CWH43: variants seen among roughly 807,000 people sequenced by gnomAD.
CWH43 encodes cell wall biogenesis 43 C-terminal homolog, also known as PGAP2-interacting protein.
CWH43 carries 91 observed loss-of-function variants against 85.7 expected under a neutral mutation model. That is an observed-to-expected ratio of 1.06 (90% CI 0.90 to 1.26). CWH43 has a LOEUF of 1.26. Among genes scored for constraint, CWH43 ranks in the 50% most tolerant of loss-of-function variants. The pLI is 0.00. For synonymous variants in CWH43, 323 were observed against 293.6 expected, an observed-to-expected ratio of 1.10 and a Z score of -1.02; for missense variants, 869 against 839.2, an observed-to-expected ratio of 1.04 and a Z score of -0.44.
intron 11 of CWH43, among the ~76,000 whole-genome samples, chr4:49,032,006 G>A (rs1226486773): frequency 2.6e-5 from 4 of 152,190 alleles, no homozygotes; most frequent in Non-Finnish European, 5.9e-5. Context: ...GGCTGGAGAT[G>A]TACCTTCAGC....
At chr4:49,046,353 G>A (rs1206747432) in intron 14 of CWH43, among the ~76,000 whole-genome samples, 2 of 151,692 alleles carry the variant, frequency 1.3e-5, no homozygotes, top group Non-Finnish European at 2.9e-5. Context: ...TCCAATAAGT[G>A]TTTACTAAAT....
chr4:48,989,498 T>C (rs953706835), intron 2 of CWH43, among the ~76,000 whole-genome samples: 10 of 152,250 alleles, frequency 6.6e-5, no homozygotes, highest in Admixed American at 2.0e-4. Context: ...CTCACAGTCA[T>C]GCGTTGCTTA....
At chr4:49,032,799 T>G in intron 12 of CWH43, 84 bp downstream of exon 12, 1 of 1,499,202 alleles carries the variant, frequency 6.7e-7, no homozygotes, top group Non-Finnish European at 9.2e-7. Context: ...GAAATCACCT[T>G]TCTCATTTTC....
chr4:48,988,416 C>G, intron 1 of CWH43, 61 bp from the exon 2 acceptor site: 1 of 1,342,644 alleles, frequency 7.4e-7, no homozygotes, highest in Non-Finnish European at 1.0e-6. Flanking sequence ...AGGGACAGGA[C>G]TGTCGTTAGA....
intron 9 of CWH43, among the ~76,000 whole-genome samples, chr4:49,026,056 G>C: frequency 6.6e-6 from 1 of 152,166 alleles, no homozygotes; most frequent in East Asian, 1.9e-4. Flanking sequence ...GTGGATCCTA[G>C]GCCAATGGAG....
At chr4:49,045,074 A>G (rs754821481) in intron 14 of CWH43, among the ~76,000 whole-genome samples, 1 of 152,196 alleles carries the variant, frequency 6.6e-6, no homozygotes, top group Non-Finnish European at 1.5e-5. Flanking sequence ...AAGTTTAATT[A>G]TATAAGAGGG....
At chr4:49,004,195 CG>C (rs1783082225) in intron 7 of CWH43, among the ~76,000 whole-genome samples, 1 of 152,102 alleles carries the variant, frequency 6.6e-6, no homozygotes, top group Non-Finnish European at 1.5e-5. Context: ...AATTTACCAG[CG>C]CATTTCTGTA....
At chr4:49,055,366 G>A (rs1472030205) in intron 15 of CWH43, among the ~76,000 whole-genome samples, 1 of 152,092 alleles carries the variant, frequency 6.6e-6, no homozygotes, top group Non-Finnish European at 1.5e-5. Context: ...CCCTTGATCA[G>A]GGTGTATGAT....
At chr4:48,989,501 G>A (rs986343176) in intron 2 of CWH43, among the ~76,000 whole-genome samples, 4 of 152,198 alleles carry the variant, frequency 2.6e-5, no homozygotes, top group East Asian at 3.8e-4. Context: ...ACAGTCATGC[G>A]TTGCTTAGTG....
At position 48,994,650 on chromosome 4, in the gene CWH43, G is replaced by A. The variant is rs765699849; in HGVS notation, c.543G>A (p.Lys181=). 9.3e-6 allele frequency: 15 copies of A among 1,613,650 alleles called. No individual in the cohort carries two copies. In the South Asian group the frequency reaches 1.5e-4, roughly 17 times the overall value. Residue 181 remains lysine (K), a synonymous_variant, in exon 5 of 16, where the codon AAG becomes AAA. Coordinates refer to ENST00000226432, the MANE Select transcript of CWH43 (RefSeq NM_025087.3). The stretch of plus-strand genomic sequence containing the variant: ...ACTGCAGTAAACCTGAAGAAAAGAA[G>A]ACTGGTGAGGTAGCCACGGGGATGG... The part of the protein sequence containing the change: ...DGDCSKPEEK[K]TGEVATGMAS...
chr4:49,002,169 T>C (rs955987086), intron 6 of CWH43, among the ~76,000 whole-genome samples: 1 of 152,066 alleles, frequency 6.6e-6, no homozygotes, highest in Admixed American at 6.6e-5. Flanking sequence ...CTTATGCCCC[T>C]TGACATAAGA....
intron 15 of CWH43, among the ~76,000 whole-genome samples, chr4:49,054,181 G>A (rs554461207): frequency 5.3e-5 from 8 of 152,180 alleles, no homozygotes; most frequent in East Asian, 3.9e-4. Flanking sequence ...GTTGATTTTT[G>A]TATATGGTAT....
intron 5 of CWH43, among the ~76,000 whole-genome samples, chr4:48,997,203 A>G (rs1380774566): frequency 1.3e-5 from 2 of 150,574 alleles, no homozygotes; most frequent in Non-Finnish European, 3.0e-5. Context: ...GGCACCTGAC[A>G]CTACACCTGG....
chr4:49,015,658 T>C (rs1374598672), intron 8 of CWH43, among the ~76,000 whole-genome samples: 1 of 152,182 alleles, frequency 6.6e-6, no homozygotes, highest in Non-Finnish European at 1.5e-5. Flanking sequence ...TCTTTCTTTT[T>C]GACTCCAATT....
chr4:49,004,548 C>A lies in CWH43; in HGVS notation c.1060+556C>A, dbSNP rs138218939. Among the ~76,000 whole-genome samples the A allele has an allele frequency of 1.9e-3, 294 of 152,212 alleles. 1 individual carries two copies. Among genetic ancestry groups the A allele is most frequent in the African/African-American group, 6.9e-3 (285 of 41,536 alleles). On this transcript the variant is annotated intron_variant, in intron 7 of 15. Coordinates refer to ENST00000226432, the MANE Select transcript of CWH43 (RefSeq NM_025087.3). ...TCTACTAGGTGTGGGCCACCACACT[C>A]CACTAATTTAAAAAATTTTTTGTAG...
intron 15 of CWH43, among the ~76,000 whole-genome samples, chr4:49,056,885 C>T (rs564519817): frequency 1.3e-5 from 2 of 152,194 alleles, no homozygotes; most frequent in Admixed American, 6.5e-5. Flanking sequence ...TTAAATCTTT[C>T]CTTTTGATTT....
intron 1 of CWH43, among the ~76,000 whole-genome samples, 176 bp from the exon 2 acceptor site, chr4:48,988,301 C>T (rs1224483521): frequency 6.6e-6 from 1 of 152,180 alleles, no homozygotes. Flanking sequence ...CGGATCCCTA[C>T]ACAGGTGTAG....
chr4:49,022,824 T>C (rs1436463759), intron 9 of CWH43, among the ~76,000 whole-genome samples: 1 of 152,200 alleles, frequency 6.6e-6, no homozygotes, highest in African/African-American at 2.4e-5. Flanking sequence ...GGTTTTCTAG[T>C]TTATGTATAT....
chr4:49,059,889 C>A lies in CWH43; in HGVS notation c.2022-1923C>A, dbSNP rs149133414. On this transcript the variant is annotated intron_variant, in intron 15 of 15. Transcript: ENST00000226432. ...TTCAGCCTGAGTCTGCAGGAGCCAC[C>A]CTGGTGCTGGAATGAACCTGGTGCC... Among the ~76,000 whole-genome samples, 757 of 152,128 alleles carry A rather than the reference C, an allele frequency of 5.0e-3. 1 individual carries two copies. The highest frequency in any genetic ancestry group is 0.014 in the Middle Eastern group (4 of 294).
Sources: allele counts gnomAD v4.1 joint callset (sites outside exome capture counted in the v4.1 genomes callset), GRCh38; gene constraint gnomAD v4.1.1; transcripts MANE v1.5; gene names NCBI Gene and HGNC (gene_info 2026-07-23, HGNC 2026-07-21).